Variants in FRMPD4 observed in about 807,000 individuals in gnomAD.
The protein encoded by FRMPD4 is FERM and PDZ domain containing 4.
A neutral mutation model predicts 94.1 loss-of-function variants in FRMPD4; 22 were observed. The observed-to-expected ratio is 0.23, with a 90% CI of 0.17 to 0.33. FRMPD4 has a LOEUF of 0.33. Ranked by LOEUF, FRMPD4 falls within the 10% of genes least tolerant of loss-of-function variation. FRMPD4 has a pLI of 1.00. For synonymous variants in FRMPD4, 631 were observed against 548.6 expected (o/e 1.15, Z -2.10); for missense variants, 1,111 against 1,339.9 (o/e 0.83, Z 2.67).
intron 3 of FRMPD4, among the ~76,000 whole-genome samples, chrX:12,107,458 G>T (rs186768277): frequency 8.9e-6 from 1 of 112,236 alleles, no homozygotes; most frequent in East Asian, 2.8e-4. Context: ...AAAAAACAGA[G>T]CAGGAAAGCT....
At chrX:12,587,948 G>A (rs980004683) in intron 2 of FRMPD4, among the ~76,000 whole-genome samples, 1 of 111,888 alleles carries the variant, frequency 8.9e-6, no homozygotes, top group East Asian at 2.8e-4. Flanking sequence ...TTTAATTTGA[G>A]TTCAGTGGTG....
intron 1 of FRMPD4, among the ~76,000 whole-genome samples, chrX:12,143,952 G>A (rs766854880): frequency 2.6e-4 from 29 of 111,856 alleles, no homozygotes; most frequent in Admixed American, 1.9e-3. Context: ...TTGGGGAGCT[G>A]GAGAGTTGCT....
chrX:12,171,485 G>A (rs2056222097), intron 1 of FRMPD4, among the ~76,000 whole-genome samples: 1 of 111,925 alleles, frequency 8.9e-6, no homozygotes, highest in Non-Finnish European at 1.9e-5. Flanking sequence ...AAAAACAACA[G>A]AGAAATCAGT....
At position 12,721,073 on chromosome X, in the gene FRMPD4, T is replaced by C; in HGVS notation, c.4504T>C (p.Phe1502Leu). The stretch of plus-strand genomic sequence containing the variant: ...CAGCAATTGGAGATGCCGGGGACCC[T>C]TCAGCTATTGCTTCCTGAACCGAGG... ...EGSNWRCRGPFSYCFLNRGQD... is the reference protein window; with the variant it reads ...EGSNWRCRGPLSYCFLNRGQD... Residue 1502 changes from phenylalanine to leucine, a missense_variant, in exon 17 of 17, where the codon TTC becomes CTC. This residue lies in a region of FRMPD4 where 551 missense variants were observed against 591.6 expected (regional missense o/e 0.93). Transcript: ENST00000675598. The C allele has an allele frequency of 2.6e-6, 2 of 756,504 alleles. No homozygotes were observed. The highest frequency in any genetic ancestry group is 3.1e-6 in the Non-Finnish European group (2 of 639,307). The allele number at this position is 756,504 out of a possible 1,213,427, so 62.3% of individuals were successfully genotyped here.
In FRMPD4 at chrX:12,305,605, T is replaced by C. The variant is rs769762939; in HGVS notation, c.41+166593T>C. On this transcript the variant is annotated intron_variant, in intron 1 of 16. Coordinates refer to ENST00000675598, the MANE Select transcript of FRMPD4 (RefSeq NM_001368397.1). ...CAGAGTCTCACTTTGTCACCCAGGC[T>C]GGAGTGCAGTAGCACAATCAGAGCT... 3.1e-3 allele frequency among the ~76,000 whole-genome samples: 331 copies of C among 107,608 alleles called. 2 individuals are homozygous for C. The highest frequency in any genetic ancestry group is 0.011 in the African/African-American group (312 of 29,423). 93.4% of individuals were successfully genotyped at this position (107,608 alleles called of 115,157 possible).
At chrX:11,925,090 G>C (rs1358569284) in intron 3 of FRMPD4, among the ~76,000 whole-genome samples, 2 of 108,979 alleles carry the variant, frequency 1.8e-5, no homozygotes, top group Non-Finnish European at 3.8e-5. Context: ...AAAAAGCAGG[G>C]GTTGCAATCC....
At chrX:11,959,647 A>G (rs2054274343) in intron 3 of FRMPD4, among the ~76,000 whole-genome samples, 2 of 111,093 alleles carry the variant, frequency 1.8e-5, no homozygotes, top group Non-Finnish European at 3.8e-5. Context: ...GTTGGTTGAT[A>G]TGGTTGATAT....
At chrX:12,191,420 T>C (rs1189051275) in intron 1 of FRMPD4, among the ~76,000 whole-genome samples, 2 of 112,101 alleles carry the variant, frequency 1.8e-5, no homozygotes, top group African/African-American at 3.2e-5. Context: ...GTTGAAAACA[T>C]GTGTCCAAAC....
intron 3 of FRMPD4, among the ~76,000 whole-genome samples, chrX:11,977,597 A>G (rs979599621): frequency 1.8e-5 from 2 of 111,738 alleles, no homozygotes; most frequent in Middle Eastern, 4.6e-3. Flanking sequence ...ACATGTGCCC[A>G]AGGTGGTCGG....
intron 16 of FRMPD4, among the ~76,000 whole-genome samples, chrX:12,720,234 G>C (rs750740214): frequency 2.7e-5 from 3 of 112,025 alleles, no homozygotes; most frequent in Non-Finnish European, 5.6e-5. Context: ...TTGATGGGTA[G>C]ATATTGGGAG....
At chrX:12,213,805 CA>C (rs1439594261) in intron 1 of FRMPD4, among the ~76,000 whole-genome samples, 1 of 111,907 alleles carries the variant, frequency 8.9e-6, no homozygotes, top group Non-Finnish European at 1.9e-5. Flanking sequence ...ATGGTTTAAC[CA>C]AATTCTGGTG....
At chrX:12,079,046 T>C (rs1232691316) in intron 3 of FRMPD4, among the ~76,000 whole-genome samples, 5 of 111,541 alleles carry the variant, frequency 4.5e-5, no homozygotes, top group Non-Finnish European at 7.5e-5. Flanking sequence ...AGTCTCCCAC[T>C]GCATTACAAC....
chrX:12,057,007 T>C (rs2054858143), intron 3 of FRMPD4, among the ~76,000 whole-genome samples: 1 of 112,164 alleles, frequency 8.9e-6, no homozygotes, highest in Non-Finnish European at 1.9e-5. Flanking sequence ...CTGGTGCTTA[T>C]TTAAAAATCT....
rs140154784 is a variant in FRMPD4, at chrX:12,459,619, G to A, written c.42-39061G>A. Among the ~76,000 whole-genome samples the A allele has an allele frequency of 5.5e-3, 611 of 111,476 alleles. 2 individuals carry two copies. The highest frequency in any genetic ancestry group is 9.6e-3 in the Non-Finnish European group (510 of 53,046). On this transcript the variant is annotated intron_variant, in intron 1 of 16. Transcript: ENST00000675598. ...TTTGAGATTTATCCATTTTTTGTAC[G>A]TATCATATTTTGCTTATTTGCACTG...
chrX:12,632,205 G>A (rs775644017), intron 4 of FRMPD4, among the ~76,000 whole-genome samples: 19 of 111,977 alleles, frequency 1.7e-4, no homozygotes, highest in Non-Finnish European at 3.4e-4. Flanking sequence ...TAGCTTGAAA[G>A]AGACATGCAT....
chrX:11,984,192 C>A (rs2054413852), intron 3 of FRMPD4, among the ~76,000 whole-genome samples: 1 of 112,155 alleles, frequency 8.9e-6, no homozygotes, highest in Non-Finnish European at 1.9e-5. Flanking sequence ...CGTTTTTCTG[C>A]TAAAGCTTTG....
chrX:11,866,593 A>G (rs2053720298), intron 2 of FRMPD4, among the ~76,000 whole-genome samples: 1 of 112,072 alleles, frequency 8.9e-6, no homozygotes, highest in Non-Finnish European at 1.9e-5. Flanking sequence ...GTCAGTATAG[A>G]TGTGTGTCTG....
intron 1 of FRMPD4, among the ~76,000 whole-genome samples, chrX:11,834,518 A>G (rs1380373084): frequency 9.0e-6 from 1 of 111,642 alleles, no homozygotes; most frequent in Non-Finnish European, 1.9e-5. Flanking sequence ...AATGTGCCCC[A>G]TGAAAATTAT....
At chrX:11,894,969 A>G (rs1164517921) in intron 3 of FRMPD4, among the ~76,000 whole-genome samples, 1 of 112,256 alleles carries the variant, frequency 8.9e-6, no homozygotes, top group Non-Finnish European at 1.9e-5. Context: ...GGCATTGGAG[A>G]CAGACCAAGC....
Sources: gnomAD v4.1 joint callset for allele counts (sites outside exome capture counted in the v4.1 genomes callset) on GRCh38, gnomAD v4.1.1 for gene constraint, gnomAD v4.1.1 regional missense constraint, MANE v1.5 for transcripts, NCBI Gene and HGNC (gene_info 2026-07-23, HGNC 2026-07-21) for gene names.